Variants in CADM2 observed in about 807,000 individuals in gnomAD.
CADM2 encodes cell adhesion molecule 2.
In CADM2, 12 loss-of-function variants were observed where a neutral mutation model predicts 49.8. That is an observed-to-expected ratio of 0.24 (90% CI 0.15 to 0.39). The LOEUF is 0.39. Ranked by LOEUF, CADM2 falls within the 10% of genes least tolerant of loss-of-function variation. The pLI is 1.00. For missense variants in CADM2, 378 were observed against 492.3 expected (o/e 0.77, Z 2.20); for synonymous variants, 214 against 175.4 (o/e 1.22, Z -1.74).
intron 3 of CADM2, among the ~76,000 whole-genome samples, chr3:85,880,168 A>G (rs1241333692): frequency 1.3e-5 from 2 of 152,154 alleles, no homozygotes; most frequent in Non-Finnish European, 2.9e-5. Context: ...GGGTATCGCA[A>G]TTAACAGATA....
chr3:85,164,098 A>T (rs564823283), intron 1 of CADM2, among the ~76,000 whole-genome samples: 2 of 152,206 alleles, frequency 1.3e-5, no homozygotes, highest in East Asian at 3.9e-4. Flanking sequence ...TTATCTTTGA[A>T]CAAATTGCTG....
intron 3 of CADM2, among the ~76,000 whole-genome samples, chr3:85,849,650 A>C (rs575360102): frequency 2.0e-5 from 3 of 152,330 alleles, no homozygotes; most frequent in African/African-American, 7.2e-5. Context: ...TTTGAGTATT[A>C]ATCATCATAT....
At chr3:85,191,096 A>C (rs1198058895) in intron 1 of CADM2, among the ~76,000 whole-genome samples, 1 of 152,082 alleles carries the variant, frequency 6.6e-6, no homozygotes, top group Non-Finnish European at 1.5e-5. Context: ...AATAAATAGA[A>C]GTCTTTAGTA....
At chr3:85,402,034 T>G (rs1353777144) in intron 1 of CADM2, among the ~76,000 whole-genome samples, 1 of 152,206 alleles carries the variant, frequency 6.6e-6, no homozygotes, top group African/African-American at 2.4e-5. Flanking sequence ...AATGTAGATT[T>G]ACTATAATTC....
intron 7 of CADM2, among the ~76,000 whole-genome samples, chr3:85,955,267 A>G (rs549798046): frequency 3.4e-4 from 52 of 151,510 alleles, no homozygotes; most frequent in Non-Finnish European, 6.5e-4. Flanking sequence ...CTAGACCCCA[A>G]CATATCCTAT....
At chr3:85,932,443 A>G (rs1720719908) in intron 6 of CADM2, among the ~76,000 whole-genome samples, 1 of 152,202 alleles carries the variant, frequency 6.6e-6, no homozygotes, top group East Asian at 1.9e-4. Flanking sequence ...TGGTAAGTAA[A>G]TGGAAACTAA....
chr3:85,609,940 C>A (rs2063632730), intron 1 of CADM2, among the ~76,000 whole-genome samples: 1 of 152,058 alleles, frequency 6.6e-6, no homozygotes, highest in Non-Finnish European at 1.5e-5. Context: ...AGCAAAGAGG[C>A]ACTACATTTT....
At chr3:85,358,797 C>T (rs150412392) in intron 1 of CADM2, among the ~76,000 whole-genome samples, 1 of 152,216 alleles carries the variant, frequency 6.6e-6, no homozygotes, top group African/African-American at 2.4e-5. Flanking sequence ...ATACGTGGTT[C>T]AGAAATGGAT....
chr3:85,658,227 A>G (rs1244298279), intron 1 of CADM2, among the ~76,000 whole-genome samples: 1 of 152,072 alleles, frequency 6.6e-6, no homozygotes, highest in Non-Finnish European at 1.5e-5. Flanking sequence ...ACACAAAGAC[A>G]TAAACCTAGG....
chr3:85,652,767 C>CTTTTCTTT (rs2065082433), intron 1 of CADM2, among the ~76,000 whole-genome samples: 1 of 56,434 alleles, frequency 1.8e-5, no homozygotes, highest in Non-Finnish European at 3.7e-5. Context: ...ATCTTTTTTT[C>CTTTTCTTT]TTTTCTTTTT....
chr3:84,961,958 C>A (rs1268380712), intron 1 of CADM2, among the ~76,000 whole-genome samples: 1 of 152,080 alleles, frequency 6.6e-6, no homozygotes, highest in Non-Finnish European at 1.5e-5. Flanking sequence ...TACTCTTTCT[C>A]TACCCGGAGA....
chr3:85,416,737 A>T (rs1045087147), intron 1 of CADM2, among the ~76,000 whole-genome samples: 1 of 152,200 alleles, frequency 6.6e-6, no homozygotes, highest in African/African-American at 2.4e-5. Flanking sequence ...CATGATATGT[A>T]TCACATTATA....
intron 6 of CADM2, among the ~76,000 whole-genome samples, chr3:85,914,741 C>T (rs1381120407): frequency 6.6e-6 from 1 of 152,094 alleles, no homozygotes; most frequent in African/African-American, 2.4e-5. Flanking sequence ...GCAGATGAAT[C>T]TCTGGATGTA....
intron 1 of CADM2, among the ~76,000 whole-genome samples, chr3:85,252,003 C>G (rs1424978267): frequency 1.3e-5 from 2 of 151,886 alleles, no homozygotes; most frequent in African/African-American, 4.8e-5. Flanking sequence ...TGGAATTTGC[C>G]ATGTTAGCAT....
In CADM2 at chr3:85,590,690, T is replaced by C. The variant is rs572256215; in HGVS notation, c.62-135832T>C. ...TGAAAAATAATGGGTGAAAAGGGTC[T>C]GGAACATAGGTGATAAGGAATGATT... On this transcript the variant is annotated intron_variant, in intron 1 of 9. Transcript: ENST00000383699. 5.3e-5 allele frequency among the ~76,000 whole-genome samples: 8 copies of C among 151,952 alleles called. No individual in the cohort carries two copies. In the East Asian group the frequency reaches 1.6e-3, roughly 30 times the overall value.
intron 1 of CADM2, among the ~76,000 whole-genome samples, chr3:85,568,274 G>T (rs993260135): frequency 6.6e-6 from 1 of 152,118 alleles, no homozygotes; most frequent in Admixed American, 6.5e-5. Flanking sequence ...CACAAGAAAT[G>T]CAAGAAAGAA....
chr3:85,985,804 G>C (rs1383051264), intron 8 of CADM2, among the ~76,000 whole-genome samples: 2 of 151,948 alleles, frequency 1.3e-5, no homozygotes, highest in African/African-American at 4.8e-5. Flanking sequence ...TATACACAAA[G>C]TTGAGCTATA....
chr3:85,413,009 C>T (rs377643345), intron 1 of CADM2, among the ~76,000 whole-genome samples: 3 of 151,088 alleles, frequency 2.0e-5, no homozygotes, highest in South Asian at 2.1e-4. Flanking sequence ...GGCGAGGTGG[C>T]GGGCGCCTGT....
chr3:85,462,777 T>C (rs983581714), intron 1 of CADM2, among the ~76,000 whole-genome samples: 6 of 152,318 alleles, frequency 3.9e-5, no homozygotes, highest in African/African-American at 1.2e-4. Context: ...CACTGAACTT[T>C]ACTGTCTTTG....
Sources: gnomAD v4.1 joint callset for allele counts (sites outside exome capture counted in the v4.1 genomes callset) on GRCh38, gnomAD v4.1.1 for gene constraint, MANE v1.5 for transcripts, NCBI Gene and HGNC (gene_info 2026-07-23, HGNC 2026-07-21) for gene names.